ALG9: variants seen among roughly 807,000 people sequenced by gnomAD.
ALG9 encodes ALG9 alpha-1,2-mannosyltransferase.
ALG9 carries 55 observed loss-of-function variants against 81.8 expected under a neutral mutation model. The observed-to-expected ratio is 0.67, with a 90% CI of 0.54 to 0.84. ALG9 has a LOEUF of 0.84. Among genes scored for constraint, ALG9 ranks in the 40% least tolerant of loss-of-function variants. The pLI, the probability that ALG9 is intolerant of heterozygous loss-of-function variation, is 0.00. For synonymous variants in ALG9, 278 were observed against 274.3 expected, an observed-to-expected ratio of 1.01 and a Z score of -0.13; for missense variants, 629 against 745.0, an observed-to-expected ratio of 0.84 and a Z score of 1.81.
intron 13 of ALG9, among the ~76,000 whole-genome samples, chr11:111,835,964 T>G (rs1219894013): frequency 3.9e-5 from 6 of 152,174 alleles, no homozygotes; most frequent in Admixed American, 3.9e-4. Context: ...TTGCCCAGGC[T>G]GGTCTCGAAC....
rs1950436996 is a variant in ALG9 at position 111,809,743 on chromosome 11, C to G, written c.1633G>C (p.Asp545His). 2 of 1,613,880 alleles carry G rather than the reference C, an allele frequency of 1.2e-6. No individual in the cohort carries two copies. The highest frequency in any genetic ancestry group is 2.7e-5 in the African/African-American group (2 of 74,866). ...IDISKCHYLV[D>H]LDTMRETPRE... Reference sequence around the variant, plus strand: ...GGTGTTTCTCTCATGGTGTCCAAATCCACTAAATAATGGCATTTACTGATA... The same window carrying G: ...GGTGTTTCTCTCATGGTGTCCAAATGCACTAAATAATGGCATTTACTGATA... Residue 545 changes from aspartate (D) to histidine (H), a missense_variant, in exon 14 of 15, where the codon GAT (aspartate) becomes CAT (histidine). Transcript: ENST00000616540.
chr11:111,792,241 T>G (rs535098848), intron 14 of ALG9, among the ~76,000 whole-genome samples: 1 of 152,370 alleles, frequency 6.6e-6, no homozygotes, highest in South Asian at 2.1e-4. Context: ...GTTTATTATC[T>G]GCCCTCCCCC....
intron 13 of ALG9, among the ~76,000 whole-genome samples, chr11:111,829,469 A>T (rs1953955063): frequency 6.6e-6 from 1 of 152,216 alleles, no homozygotes; most frequent in South Asian, 2.1e-4. Context: ...GCACCTCTAA[A>T]CCAAAAGAGA....
At position 111,840,728 on chromosome 11, in the gene ALG9, T is replaced by C. The variant is rs1171784502; in HGVS notation, c.1100A>G (p.Lys367Arg). ...WFIIFFIQPH[K>R]EERFLFPVYP... The stretch of plus-strand genomic sequence containing the variant: ...CACAGGGAAAAGAAATCTCTCCTCT[T>C]TGTGAGGCTGGATGAAGAAAATTAT... Residue 367 changes from lysine to arginine, a missense_variant, in exon 10 of 15, where the codon AAA (lysine) becomes AGA (arginine). Transcript: ENST00000616540. 2 of 1,613,620 alleles carry C rather than the reference T, an allele frequency of 1.2e-6. No homozygotes were observed. The highest frequency in any genetic ancestry group is 4.5e-5 in the East Asian group (2 of 44,840).
intron 6 of ALG9, 25 bp downstream of exon 6, chr11:111,857,577 G>A (rs1958907133): frequency 2.5e-6 from 4 of 1,613,854 alleles, no homozygotes; most frequent in Non-Finnish European, 3.4e-6. Flanking sequence ...AGCGATATAT[G>A]GGAGGAGAAC....
At chr11:111,868,318 C>G (rs1215363381) in intron 3 of ALG9, among the ~76,000 whole-genome samples, 1 of 152,176 alleles carries the variant, frequency 6.6e-6, no homozygotes, top group African/African-American at 2.4e-5. Flanking sequence ...CTCCATAAGA[C>G]CCACCATATT....
rs1484179336 is a variant in ALG9 at position 111,868,611 on chromosome 11, T to C, written c.396A>G (p.Gln132=). 1.9e-6 allele frequency: 3 copies of C among 1,613,942 alleles called. No homozygotes were observed. The highest frequency in any genetic ancestry group is 1.3e-5 in the African/African-American group (1 of 75,066). Residue 132 remains glutamine (Q), a synonymous_variant, in exon 3 of 15, where the codon CAA becomes CAG. Coordinates refer to ENST00000616540, the MANE Select transcript of ALG9 (RefSeq NM_024740.2). ...WPAAFHARIL[Q]TNKILVFYFL... ...GTTGGTCTGCCCTTACCTTATTAGTTTGTAGAATTCTTGCATGAAATGCAG... is the reference window on the plus strand; with the variant it reads ...GTTGGTCTGCCCTTACCTTATTAGTCTGTAGAATTCTTGCATGAAATGCAG...
rs1352637356 is a variant in ALG9 at position 111,871,474 on chromosome 11, A to C, written c.9T>G (p.Ser3Arg). 1.4e-5 allele frequency: 22 copies of C among 1,536,576 alleles called. No individual in the cohort carries two copies. The highest frequency in any genetic ancestry group is 2.6e-6 in the Non-Finnish European group (3 of 1,146,662). Residue 3 changes from serine (S) to arginine (R), a missense_variant, in exon 1 of 15, where the codon AGT becomes AGG. Ser to Arg is a moderately radical substitution (Grantham distance 110). Transcript: ENST00000616540. ...CCTTCAGGCGCTGCCGAGCCCCTCG[A>C]CTAGCCATGGCAAGCCTGGGGAAAA... is the stretch of plus-strand genomic sequence containing the variant. MA[S>R]RGARQRLKGS...
intron 14 of ALG9, among the ~76,000 whole-genome samples, chr11:111,809,222 G>T (rs1243309974): frequency 6.6e-6 from 1 of 152,104 alleles, no homozygotes; most frequent in African/African-American, 2.4e-5. Flanking sequence ...TCAGGAAACT[G>T]GGCCCAAATA....
intron 11 of ALG9, among the ~76,000 whole-genome samples, chr11:111,838,048 C>T (rs1186058185): frequency 4.6e-5 from 7 of 152,156 alleles, no homozygotes; most frequent in Admixed American, 3.9e-4. Context: ...CAGTTAATCA[C>T]ACTAAAAGGA....
chr11:111,785,952 G>A lies in ALG9; in HGVS notation c.*445C>T. 2.2e-6 allele frequency: 1 copy of A among 444,472 alleles called. No individual in the cohort carries two copies. Among genetic ancestry groups the A allele is most frequent in the South Asian group, 1.6e-5 (1 of 62,538 alleles). The allele number at this position is 444,472 out of a possible 1,614,324, so 27.5% of individuals were successfully genotyped here. A position where few individuals can be genotyped will look rare whatever the true frequency, so the allele number is the denominator to read the frequency against. ...AAGGTCTGCTAGGAGCTGCCAAACA[G>A]CTTTGGTGGAGAAGCCCATATGGCC... is the stretch of plus-strand genomic sequence containing the variant. On this transcript the variant is annotated 3_prime_UTR_variant, in exon 15 of 15. Transcript: ENST00000616540.
chr11:111,862,763 A>C (rs1156496314), intron 4 of ALG9, among the ~76,000 whole-genome samples: 1 of 150,980 alleles, frequency 6.6e-6, no homozygotes, highest in African/African-American at 2.4e-5. Flanking sequence ...AATTTTTTAA[A>C]TTTATTTGGT....
chr11:111,822,363 C>G (rs932223086), intron 13 of ALG9, among the ~76,000 whole-genome samples: 1 of 141,732 alleles, frequency 7.1e-6, no homozygotes, highest in African/African-American at 2.6e-5. Context: ...GAGCTGTGTT[C>G]GCACCACTGC....
chr11:111,793,204 A>C (rs1185856841), intron 14 of ALG9, among the ~76,000 whole-genome samples: 2 of 150,784 alleles, frequency 1.3e-5, no homozygotes, highest in African/African-American at 4.9e-5. Context: ...CTAGTCTCAA[A>C]CTCCCGGGCT....
At chr11:111,819,685 T>C (rs1485780924) in intron 13 of ALG9, among the ~76,000 whole-genome samples, 1 of 152,236 alleles carries the variant, frequency 6.6e-6, no homozygotes, top group Admixed American at 6.5e-5. Flanking sequence ...AATGTCTTCC[T>C]TCCAAACACA....
intron 13 of ALG9, among the ~76,000 whole-genome samples, chr11:111,827,384 G>A (rs1555109453): frequency 6.6e-6 from 1 of 152,050 alleles, no homozygotes; most frequent in Non-Finnish European, 1.5e-5. Flanking sequence ...GCTGAGGCAG[G>A]AGAATCACTT....
chr11:111,808,091 TAAG>T (rs1315577716), intron 14 of ALG9, among the ~76,000 whole-genome samples: 1 of 152,122 alleles, frequency 6.6e-6, no homozygotes, highest in African/African-American at 2.4e-5. Context: ...TTGCTGTTGT[TAAG>T]AAGAAGCACT....
chr11:111,843,850 G>A (rs1471055859), intron 9 of ALG9, among the ~76,000 whole-genome samples: 2 of 152,188 alleles, frequency 1.3e-5, no homozygotes, highest in African/African-American at 4.8e-5. Flanking sequence ...GAAGTCCAAA[G>A]CTTCCCTTAC....
intron 10 of ALG9, among the ~76,000 whole-genome samples, chr11:111,838,847 A>G (rs540179786): frequency 3.3e-5 from 5 of 152,290 alleles, no homozygotes; most frequent in African/African-American, 1.2e-4. Context: ...GAACACTAGG[A>G]ACATGCTCTT....
Sources: allele counts gnomAD v4.1 joint callset (sites outside exome capture counted in the v4.1 genomes callset), GRCh38; gene constraint gnomAD v4.1.1; transcripts MANE v1.5; gene names NCBI Gene and HGNC (gene_info 2026-07-23, HGNC 2026-07-21).